STARD13: variants seen among roughly 807,000 people sequenced by gnomAD.
STARD13 encodes the protein stAR-related lipid transfer protein 13.
A neutral mutation model predicts 106.4 loss-of-function variants in STARD13; 62 were observed. That is an observed-to-expected ratio of 0.58 (90% CI 0.48 to 0.72). The LOEUF (loss-of-function observed/expected upper bound fraction) is 0.72, where lower values mean the gene tolerates loss of function less well. Among genes scored for constraint, STARD13 ranks in the 30% least tolerant of loss-of-function variants. The pLI is 0.00. For synonymous variants in STARD13, 565 were observed against 553.0 expected (o/e 1.02, Z -0.31); for missense variants, 1,387 against 1,424.0 (o/e 0.97, Z 0.42).
the STARD13 span, among the ~76,000 whole-genome samples, chr13:33,507,298 A>G: frequency 1.3e-5 from 2 of 152,176 alleles, no homozygotes; most frequent in Non-Finnish European, 2.9e-5. Flanking sequence ...TTTTACATGT[A>G]AAACTCTTCT....
chr13:33,378,519 A>G, the STARD13 span, among the ~76,000 whole-genome samples: 1,532 of 152,290 alleles, frequency 0.01, 29 homozygotes, highest in African/African-American at 0.034. Flanking sequence ...GGTCGGGCGC[A>G]GTGGCTCACG....
At chr13:33,465,298 CG>C in the STARD13 span, among the ~76,000 whole-genome samples, 1 of 150,942 alleles carries the variant, frequency 6.6e-6, no homozygotes, top group South Asian at 2.1e-4. Context: ...CTCCGCCTCC[CG>C]GGTTCACGCC....
At chr13:33,617,070 T>C in the STARD13 span, among the ~76,000 whole-genome samples, 2 of 152,250 alleles carry the variant, frequency 1.3e-5, no homozygotes, top group Non-Finnish European at 2.9e-5. Context: ...AATGGAACTA[T>C]AAGCGTTGAG....
At chr13:33,602,210 G>C in the STARD13 span, among the ~76,000 whole-genome samples, 23 of 151,466 alleles carry the variant, frequency 1.5e-4, 1 homozygote, top group East Asian at 9.8e-4. Flanking sequence ...TTCTGCCTCA[G>C]CCTCCCGAAT....
At chr13:33,525,678 C>T in the STARD13 span, among the ~76,000 whole-genome samples, 1 of 152,108 alleles carries the variant, frequency 6.6e-6, no homozygotes, top group Non-Finnish European at 1.5e-5. Context: ...GAAGCCTCTA[C>T]TGCAATGTTC....
At chr13:33,457,319 C>T in the STARD13 span, among the ~76,000 whole-genome samples, 1 of 152,190 alleles carries the variant, frequency 6.6e-6, no homozygotes, top group Non-Finnish European at 1.5e-5. Context: ...AAATCTAATA[C>T]AAGCAATGCC....
At chr13:33,405,589 A>C in the STARD13 span, among the ~76,000 whole-genome samples, 1 of 152,238 alleles carries the variant, frequency 6.6e-6, no homozygotes, top group African/African-American at 2.4e-5. Flanking sequence ...AGATAGACTG[A>C]CTCAGGTCTA....
chr13:33,517,686 A>C, the STARD13 span, among the ~76,000 whole-genome samples: 1 of 152,192 alleles, frequency 6.6e-6, no homozygotes, highest in Admixed American at 6.6e-5. Context: ...AGGCAGTATC[A>C]ATCCAGCTCA....
chr13:33,342,550 A>T (rs1299254166), intron 1 of STARD13, among the ~76,000 whole-genome samples: 1 of 151,082 alleles, frequency 6.6e-6, no homozygotes, highest in East Asian at 1.9e-4. Flanking sequence ...TTTTTTTAAG[A>T]CATGGGGTCT....
At chr13:33,127,864 AGTGT>A (rs1169872723) in intron 5 of STARD13, among the ~76,000 whole-genome samples, 1 of 101,858 alleles carries the variant, frequency 9.8e-6, no homozygotes, top group Admixed American at 1.1e-4. Flanking sequence ...TGTGTGAGTG[AGTGT>A]GTGTGTGTGT....
the STARD13 span, among the ~76,000 whole-genome samples, chr13:33,415,463 A>G: frequency 6.6e-6 from 1 of 152,220 alleles, no homozygotes; most frequent in Non-Finnish European, 1.5e-5. Flanking sequence ...TATAATTTAT[A>G]TATCTTTATA....
chr13:33,578,580 C>A, the STARD13 span, among the ~76,000 whole-genome samples: 22 of 152,024 alleles, frequency 1.4e-4, no homozygotes, highest in Admixed American at 6.6e-5. Flanking sequence ...CTCCTTTGGA[C>A]CCTGGCCTAG....
At chr13:33,145,991 C>T (rs959381509) in intron 3 of STARD13, among the ~76,000 whole-genome samples, 1 of 151,866 alleles carries the variant, frequency 6.6e-6, no homozygotes, top group Non-Finnish European at 1.5e-5. Flanking sequence ...TTGAGACCAG[C>T]CTGGGCAACA....
the STARD13 span, among the ~76,000 whole-genome samples, chr13:33,464,037 A>ATATATATATATATATG: frequency 7.1e-6 from 1 of 140,980 alleles, no homozygotes; most frequent in African/African-American, 2.6e-5. Context: ...ATATATATAT[A>ATATATATATATATATG]TATATGTATA....
rs186276629 is a variant in STARD13 at position 33,121,909 on chromosome 13, G to A, written c.2083-3646C>T. 4.6e-3 allele frequency among the ~76,000 whole-genome samples: 703 copies of A among 151,286 alleles called. 6 individuals carry two copies. Among genetic ancestry groups the A allele is most frequent in the African/African-American group, 0.016 (643 of 41,164 alleles). ...CCCCCAGGTTGGAGTGCGATGGCAC[G>A]ATCTCAGCTCACTGCAACCTCTGCC... On this transcript the variant is annotated intron_variant, in intron 7 of 13. Transcript: ENST00000336934.
chr13:33,329,241 G>C (rs1048447299), intron 1 of STARD13, among the ~76,000 whole-genome samples: 1 of 149,820 alleles, frequency 6.7e-6, no homozygotes, highest in Non-Finnish European at 1.5e-5. Context: ...GGAATTACAG[G>C]ATTTTTTTTT....
the STARD13 span, among the ~76,000 whole-genome samples, chr13:33,598,814 T>A: frequency 1.3e-5 from 2 of 152,278 alleles, no homozygotes; most frequent in Non-Finnish European, 2.9e-5. Context: ...ATTCTGGAGA[T>A]GCCATGGGGC....
chr13:33,587,500 C>A, the STARD13 span, among the ~76,000 whole-genome samples: 1 of 152,184 alleles, frequency 6.6e-6, no homozygotes. Context: ...TCTAGCCTCT[C>A]ACACATTCTA....
intron 1 of STARD13, among the ~76,000 whole-genome samples, chr13:33,320,349 G>A (rs1394732740): frequency 6.6e-6 from 1 of 152,126 alleles, no homozygotes; most frequent in Non-Finnish European, 1.5e-5. Context: ...AGGATTCCAG[G>A]GGACTGTTCT....
Sources: gnomAD v4.1 joint callset for allele counts (sites outside exome capture counted in the v4.1 genomes callset) on GRCh38, gnomAD v4.1.1 for gene constraint, MANE v1.5 for transcripts, NCBI Gene and HGNC (gene_info 2026-07-23, HGNC 2026-07-21) for gene names.